The following MLIP variants were observed in gnomAD, a reference collection of about 807,000 sequenced individuals.
MLIP encodes muscular LMNA-interacting protein.
In MLIP, 79 loss-of-function variants were observed where a neutral mutation model predicts 84.8. The ratio of observed to expected loss-of-function variants is 0.93; its 90% confidence interval spans 0.78 to 1.12. MLIP has a LOEUF of 1.12. Among genes scored for constraint, MLIP ranks in the 50% most tolerant of loss-of-function variants. The probability of loss-of-function intolerance (pLI) is 0.00; values close to 1 mark genes in which losing one functional copy is unlikely to be tolerated. For synonymous variants in MLIP, 504 were observed against 463.0 expected (o/e 1.09, Z -1.14); for missense variants, 1,257 against 1,160.6 (o/e 1.08, Z -1.21).
At position 54,143,146 on chromosome 6, in the gene MLIP, C is replaced by T. The variant is rs140558668; in HGVS notation, c.2217+4860C>T. Among the ~76,000 whole-genome samples the T allele has an allele frequency of 1.8e-4, 27 of 151,872 alleles. No individual in the cohort carries two copies. In the East Asian group the frequency reaches 2.7e-3, roughly 15 times the overall value. On this transcript the variant is annotated intron_variant, in intron 4 of 13. Transcript: ENST00000502396. The stretch of plus-strand genomic sequence containing the variant: ...CTCTGAATTGATCCTAGTAACGGTT[C>T]GCACTCAGGTGTTCAATGATTGACA...
chr6:54,043,512 C>G (rs978634787), intron 1 of MLIP: 1 of 152,270 alleles, frequency 6.6e-6, no homozygotes, highest in Non-Finnish European at 1.5e-5. Context: ...TCAACCCTCT[C>G]TAAAGAAAGC....
chr6:54,152,671 C>T (rs1773573707), intron 5 of MLIP, among the ~76,000 whole-genome samples: 1 of 152,068 alleles, frequency 6.6e-6, no homozygotes, highest in African/African-American at 2.4e-5. Flanking sequence ...CACAGCCAAA[C>T]CATATCAGTC....
intron 1 of MLIP, among the ~76,000 whole-genome samples, chr6:54,101,745 T>C (rs1278156024): frequency 6.6e-6 from 1 of 152,176 alleles, no homozygotes; most frequent in Non-Finnish European, 1.5e-5. Flanking sequence ...GTACTATCCA[T>C]ATTGAAAAGT....
intron 1 of MLIP, among the ~76,000 whole-genome samples, chr6:54,027,374 TACACACACAC>T (rs70980886): frequency 0.22 from 32,096 of 148,442 alleles, 3,563 homozygotes; most frequent in Middle Eastern, 0.37. Flanking sequence ...ATAAAAAAAA[TACACACACAC>T]ACACACACAC....
At chr6:54,257,600 C>A (rs1029446340) in intron 13 of MLIP, among the ~76,000 whole-genome samples, 7 of 152,066 alleles carry the variant, frequency 4.6e-5, no homozygotes, top group Non-Finnish European at 1.0e-4. Flanking sequence ...GGACCACAAA[C>A]CAACTCCTAC....
Position 54,039,637 on chromosome 6 carries a change from C to T in MLIP, c.63+20546C>T, listed in dbSNP as rs377086128. ...GCACAATGTTGGTTTATTCTCTGAC[C>T]TAAACAAGCAAGATATGAAAACTAA... On this transcript the variant is annotated intron_variant, in intron 1 of 12. Coordinates refer to the MLIP transcript ENST00000274897. 3.4e-4 allele frequency among the ~76,000 whole-genome samples: 51 copies of T among 151,966 alleles called. 1 individual carries two copies. Among genetic ancestry groups the T allele is most frequent in the Admixed American group, 1.3e-3 (20 of 15,224 alleles).
At chr6:54,120,852 T>C (rs1465233676) in intron 1 of MLIP, among the ~76,000 whole-genome samples, 3 of 152,214 alleles carry the variant, frequency 2.0e-5, no homozygotes, top group African/African-American at 7.2e-5. Flanking sequence ...CTGTTCACCG[T>C]TGTTTCCCTA....
rs1012866427 is a variant in MLIP, at chr6:54,136,927, C to T, written c.858C>T (p.Pro286=). 8 of 1,536,058 alleles carry T rather than the reference C, an allele frequency of 5.2e-6. No homozygotes were observed. The highest frequency in any genetic ancestry group is 2.0e-5 in the Admixed American group (1 of 50,980). ...TYFQTTAHST[P]FSASKGTSST... is the part of the protein sequence containing the mutation. Reference sequence around the variant, plus strand: ...TTCAAACTACCGCTCACTCTACACCCTTTTCTGCATCGAAGGGCACCTCCT... The same window carrying T: ...TTCAAACTACCGCTCACTCTACACCTTTTTCTGCATCGAAGGGCACCTCCT... Residue 286 remains proline (P), a synonymous_variant, in exon 4 of 14, where the codon CCC becomes CCT. Transcript: ENST00000502396.
chr6:54,038,335 G>A (rs1210947009), intron 1 of MLIP, among the ~76,000 whole-genome samples: 2 of 151,890 alleles, frequency 1.3e-5, no homozygotes, highest in African/African-American at 4.8e-5. Flanking sequence ...AGGTTCTCTA[G>A]GAGGCTGATG....
chr6:54,174,063 G>C, intron 9 of MLIP, among the ~76,000 whole-genome samples: 1 of 151,844 alleles, frequency 6.6e-6, no homozygotes, highest in Non-Finnish European at 1.5e-5. Flanking sequence ...GCAAATGACA[G>C]GATCTCATTC....
chr6:54,149,528 G>A (rs1416294120), intron 5 of MLIP, among the ~76,000 whole-genome samples: 1 of 152,124 alleles, frequency 6.6e-6, no homozygotes, highest in African/African-American at 2.4e-5. Flanking sequence ...GCCACCTTGG[G>A]TTGTTGACTG....
chr6:54,071,451 G>C (rs918107472), intron 1 of MLIP, among the ~76,000 whole-genome samples: 2 of 151,970 alleles, frequency 1.3e-5, no homozygotes, highest in African/African-American at 4.8e-5. Flanking sequence ...AATCTTTTAA[G>C]TCTCTTGAGA....
intron 3 of MLIP, among the ~76,000 whole-genome samples, chr6:54,131,754 GC>G (rs1771401540): frequency 6.6e-6 from 1 of 152,180 alleles, no homozygotes; most frequent in African/African-American, 2.4e-5. Flanking sequence ...TTGTCAGTTA[GC>G]TTTTGTTGCT....
intron 1 of MLIP, among the ~76,000 whole-genome samples, chr6:54,101,100 A>G (rs1006590470): frequency 2.0e-5 from 3 of 152,156 alleles, no homozygotes; most frequent in Non-Finnish European, 4.4e-5. Flanking sequence ...ACTGATTGTC[A>G]TGTAACTTCT....
chr6:54,058,359 G>T (rs2150327721), intron 1 of MLIP, among the ~76,000 whole-genome samples: 1 of 152,290 alleles, frequency 6.6e-6, no homozygotes, highest in East Asian at 1.9e-4. Context: ...ATGTGGTTGT[G>T]CATGTTTACT....
intron 10 of MLIP, among the ~76,000 whole-genome samples, chr6:54,197,023 G>C (rs1778346319): frequency 6.6e-6 from 1 of 152,080 alleles, no homozygotes; most frequent in Admixed American, 6.6e-5. Flanking sequence ...AACTCCTAGA[G>C]GAGGCAGTAT....
At chr6:54,204,436 A>G (rs565216800) in intron 11 of MLIP, among the ~76,000 whole-genome samples, 3 of 152,224 alleles carry the variant, frequency 2.0e-5, no homozygotes, top group Non-Finnish European at 4.4e-5. Context: ...GTTTATAAAA[A>G]TAATTTAGCA....
chr6:54,252,070 CATATAAT>C lies in MLIP; in HGVS notation c.2923-5227_2923-5221del, dbSNP rs1269545120. Among the ~76,000 whole-genome samples the C allele has an allele frequency of 6.8e-5, 6 of 88,778 alleles. No individual in the cohort carries two copies. The East Asian group carries it at 2.2e-3, about 33-fold the overall frequency. 58.2% of individuals were successfully genotyped at this position (88,778 alleles called of 152,430 possible). ...TATAATATAAATATATATATTATAA[CATATAAT>C]ATATAATATAAATATATATTATAAC... is the stretch of plus-strand genomic sequence containing the variant. On this transcript the variant is annotated intron_variant, in intron 12 of 13. Transcript: ENST00000502396.
intron 5 of MLIP, among the ~76,000 whole-genome samples, chr6:54,150,209 A>G (rs1773297282): frequency 6.6e-6 from 1 of 152,186 alleles, no homozygotes; most frequent in African/African-American, 2.4e-5. Context: ...CACATTATAC[A>G]CAGGTAGTGT....
Sources: allele counts gnomAD v4.1 joint callset (sites outside exome capture counted in the v4.1 genomes callset), GRCh38; gene constraint gnomAD v4.1.1; transcripts MANE v1.5; gene names NCBI Gene and HGNC (gene_info 2026-07-23, HGNC 2026-07-21).